Variants in ZFAT observed in about 807,000 individuals in gnomAD.
The protein encoded by ZFAT is zinc finger and AT-hook domain containing.
ZFAT carries 64 observed loss-of-function variants against 117.7 expected under a neutral mutation model. The observed-to-expected ratio is 0.54, with a 90% CI of 0.44 to 0.67. The LOEUF is 0.67. Among genes scored for constraint, ZFAT ranks in the 30% least tolerant of loss-of-function variants. The probability of loss-of-function intolerance (pLI) is 0.00; values close to 1 mark genes in which losing one functional copy is unlikely to be tolerated. For synonymous variants in ZFAT, 679 were observed against 615.0 expected, an observed-to-expected ratio of 1.10 and a Z score of -1.54; for missense variants, 1,433 against 1,584.5, an observed-to-expected ratio of 0.90 and a Z score of 1.62.
chr8:134,728,518 A>C, the ZFAT span, among the ~76,000 whole-genome samples: 5 of 152,162 alleles, frequency 3.3e-5, no homozygotes, highest in Admixed American at 3.3e-4. Flanking sequence ...CTGGCTGGAA[A>C]ATCCCCAGCT....
At position 134,677,310 on chromosome 8, in the gene ZFAT, A is replaced by C. The variant is rs1832852599; in HGVS notation, c.20-19573T>G. 3.9e-5 allele frequency among the ~76,000 whole-genome samples: 6 copies of C among 152,222 alleles called. No homozygotes were observed. The South Asian group carries it at 1.2e-3, about 32-fold the overall frequency. On this transcript the variant is annotated intron_variant, in intron 1 of 15. Transcript: ENST00000377838. ...ACAAACTACCATCAGAGAATACTAT[A>C]AACACCTCTATGCAAATAAACTAGA...
the ZFAT span, among the ~76,000 whole-genome samples, chr8:134,744,296 T>G: frequency 7.5e-5 from 4 of 53,512 alleles, no homozygotes; most frequent in South Asian, 1.7e-3. Flanking sequence ...AGGCTAAGAG[T>G]TTTTTTTTTT....
chr8:134,667,913 A>G (rs1832319647), intron 1 of ZFAT, among the ~76,000 whole-genome samples: 1 of 152,138 alleles, frequency 6.6e-6, no homozygotes, highest in African/African-American at 2.4e-5. Context: ...CCACCCTAAT[A>G]CTGCACTTTT....
the ZFAT span, among the ~76,000 whole-genome samples, chr8:134,786,560 T>C: frequency 1.3e-5 from 2 of 152,202 alleles, no homozygotes; most frequent in Non-Finnish European, 2.9e-5. Context: ...TGGTATATAC[T>C]ATGTGAAAAG....
chr8:134,748,265 T>C, the ZFAT span, among the ~76,000 whole-genome samples: 2,899 of 152,282 alleles, frequency 0.019, 80 homozygotes, highest in African/African-American at 0.067. Flanking sequence ...TTGCCTTTTA[T>C]AGTAATAATT....
At chr8:134,587,502 A>G (rs1826153667) in intron 9 of ZFAT, among the ~76,000 whole-genome samples, 2 of 152,012 alleles carry the variant, frequency 1.3e-5, no homozygotes, top group African/African-American at 4.8e-5. Context: ...TTGTTTTCCT[A>G]TCTGCAGCAT....
intron 1 of ZFAT, chr8:134,696,563 G>A: frequency 1.0e-6 from 1 of 986,076 alleles, no homozygotes; most frequent in African/African-American, 1.7e-5. Context: ...ACTCTCCCAG[G>A]AAGCCCTACC....
the ZFAT span, among the ~76,000 whole-genome samples, chr8:134,738,484 C>A: frequency 5.9e-5 from 9 of 152,266 alleles, no homozygotes; most frequent in African/African-American, 2.2e-4. Flanking sequence ...CAACTACGTA[C>A]GAGAGTGAAG....
rs754761708 is a variant in ZFAT, at chr8:134,600,354, A to G, written c.2475+82T>C. ...TGTTTTCAGGGCTGACCTGCAGCAG[A>G]GACACCTACATATAAGCATAAACTT... On this transcript the variant is annotated intron_variant, in intron 7 of 15. Transcript: ENST00000377838. The G allele has an allele frequency of 3.8e-5, 47 of 1,244,496 alleles. 1 individual carries two copies. Among genetic ancestry groups the G allele is most frequent in the Non-Finnish European group, 5.6e-5 (47 of 843,190 alleles). The allele number at this position is 1,244,496 out of a possible 1,614,324, so 77.1% of individuals were successfully genotyped here.
chr8:134,724,855 T>C, the ZFAT span, among the ~76,000 whole-genome samples: 1 of 152,168 alleles, frequency 6.6e-6, no homozygotes, highest in African/African-American at 2.4e-5. Context: ...CACTCCCCAG[T>C]TAAAGCGCTT....
At chr8:134,638,560 C>CAAAAAAAAAAAAAAAA (rs1563711719) in intron 2 of ZFAT, among the ~76,000 whole-genome samples, 3 of 63,016 alleles carry the variant, frequency 4.8e-5, no homozygotes, top group African/African-American at 2.3e-4. Context: ...AAAAAAAAAA[C>CAAAAAAAAAAAAAAAA]AAAACAAAAA....
At chr8:134,722,769 G>A in the ZFAT span, among the ~76,000 whole-genome samples, 43,860 of 152,040 alleles carry the variant, frequency 0.29, 6,626 homozygotes, top group East Asian at 0.4. Flanking sequence ...CTTACAACGT[G>A]TTATTGACTG....
the ZFAT span, among the ~76,000 whole-genome samples, chr8:134,817,487 A>G: frequency 6.6e-6 from 1 of 151,932 alleles, no homozygotes; most frequent in Non-Finnish European, 1.5e-5. Context: ...ACAGAGGCAT[A>G]TACGAGACCA....
the ZFAT span, among the ~76,000 whole-genome samples, chr8:134,812,083 G>C: frequency 6.6e-6 from 1 of 152,176 alleles, no homozygotes; most frequent in African/African-American, 2.4e-5. Flanking sequence ...GGCAGAGGTT[G>C]CAGTGAGCCG....
intron 9 of ZFAT, among the ~76,000 whole-genome samples, chr8:134,587,720 G>A (rs778576332): frequency 2.6e-4 from 39 of 152,292 alleles, no homozygotes; most frequent in Non-Finnish European, 4.7e-4. Flanking sequence ...TCACAGGCAA[G>A]CAACCCAAAA....
chr8:134,524,209 T>C (rs984202519), intron 12 of ZFAT, among the ~76,000 whole-genome samples: 7 of 152,172 alleles, frequency 4.6e-5, no homozygotes, highest in Non-Finnish European at 2.9e-5. Flanking sequence ...GTGTTCAGTG[T>C]TATCCGAGGG....
intron 1 of ZFAT, among the ~76,000 whole-genome samples, chr8:134,708,669 T>A (rs747065778): frequency 1.3e-5 from 2 of 152,170 alleles, no homozygotes; most frequent in Non-Finnish European, 2.9e-5. Flanking sequence ...AAAAAATTAC[T>A]CGGCCAGGCA....
At chr8:134,542,219 T>G (rs1488633079) in intron 11 of ZFAT, among the ~76,000 whole-genome samples, 1 of 152,236 alleles carries the variant, frequency 6.6e-6, no homozygotes, top group Admixed American at 6.5e-5. Context: ...AGCTGTGTCC[T>G]GGACCAAAGT....
chr8:134,753,474 A>G, the ZFAT span, among the ~76,000 whole-genome samples: 1 of 152,218 alleles, frequency 6.6e-6, no homozygotes, highest in African/African-American at 2.4e-5. Context: ...AGAGGTATTT[A>G]AATTCTCCCC....
Sources: allele counts gnomAD v4.1 joint callset (sites outside exome capture counted in the v4.1 genomes callset), GRCh38; gene constraint gnomAD v4.1.1; transcripts MANE v1.5; gene names NCBI Gene and HGNC (gene_info 2026-07-23, HGNC 2026-07-21).